Variants in IDH3A observed in about 807,000 individuals in gnomAD.
IDH3A encodes isocitrate dehydrogenase (NAD(+)) 3 catalytic subunit alpha.
A neutral mutation model predicts 43.3 loss-of-function variants in IDH3A; 23 were observed. The observed-to-expected ratio is 0.53, with a 90% CI of 0.38 to 0.75. IDH3A has a LOEUF of 0.75. Among genes scored for constraint, IDH3A ranks in the 30% least tolerant of loss-of-function variants. The pLI is 0.00. For synonymous variants in IDH3A, 154 were observed against 163.5 expected (o/e 0.94, Z 0.44); for missense variants, 329 against 474.4 (o/e 0.69, Z 2.85).
At chr15:78,153,146 G>C (rs1342920135) in intron 1 of IDH3A, among the ~76,000 whole-genome samples, 1 of 151,986 alleles carries the variant, frequency 6.6e-6, no homozygotes, top group Non-Finnish European at 1.5e-5. Flanking sequence ...ACCTAGGCTG[G>C]AGTGCAGTGG....
At chr15:78,164,305 C>G (rs189217897) in intron 8 of IDH3A, among the ~76,000 whole-genome samples, 4 of 130,674 alleles carry the variant, frequency 3.1e-5, no homozygotes, top group Admixed American at 7.2e-5. Flanking sequence ...CTCTCTCTCT[C>G]CCCCCCCGAC....
rs1317444957 is a variant in IDH3A at position 78,165,094 on chromosome 15, T to G, written c.864+18T>G. ...TTGAGTCGGTAAGGACCCTGACACC[T>G]GAAACAGAACTCAGGTCAGAACAGC... On this transcript the variant is annotated intron_variant, in intron 9 of 10. Coordinates refer to ENST00000299518, the MANE Select transcript of IDH3A (RefSeq NM_005530.3). The G allele has an allele frequency of 6.5e-7, 1 of 1,542,308 alleles. No homozygotes were observed. Among genetic ancestry groups the G allele is most frequent in the Non-Finnish European group, 9.0e-7 (1 of 1,114,660 alleles).
At position 78,162,216 on chromosome 15, in the gene IDH3A, G is replaced by T; in HGVS notation, c.478-18G>T. The T allele has an allele frequency of 6.2e-7, 1 of 1,613,858 alleles. No homozygotes were observed. The highest frequency in any genetic ancestry group is 8.5e-7 in the Non-Finnish European group (1 of 1,179,866). ...CTGTCACACTCTTTCCAGCAAGGTG[G>T]GACTTCCTGTCTTGCAGATTGTTGA... On this transcript the variant is annotated intron_variant, in intron 5 of 10. Coordinates refer to ENST00000299518, the MANE Select transcript of IDH3A (RefSeq NM_005530.3).
At chr15:78,149,577 T>C (rs2074555869) in intron 1 of IDH3A, 147 bp downstream of exon 1, 5 of 640,536 alleles carry the variant, frequency 7.8e-6, no homozygotes, top group Non-Finnish European at 1.2e-5. Flanking sequence ...CCGGTCCTGG[T>C]CGCCCGTGCC....
At position 78,163,790 on chromosome 15, in the gene IDH3A, G is replaced by A. The variant is rs1481035797; in HGVS notation, c.779+10G>A. Reference sequence around the variant, plus strand: ...ATGGAGACATCCTTAGGTGAGTCTGGCTGCAACCTATTTATTTTAGCCTAT... The same window carrying A: ...ATGGAGACATCCTTAGGTGAGTCTGACTGCAACCTATTTATTTTAGCCTAT... On this transcript the variant is annotated intron_variant, in intron 8 of 10. Coordinates refer to ENST00000299518, the MANE Select transcript of IDH3A (RefSeq NM_005530.3). The A allele has an allele frequency of 6.3e-7, 1 of 1,578,606 alleles. No homozygotes were observed. Among genetic ancestry groups the A allele is most frequent in the Admixed American group, 1.7e-5 (1 of 59,842 alleles).
At chr15:78,152,504 G>A (rs946328003) in intron 1 of IDH3A, among the ~76,000 whole-genome samples, 3 of 151,664 alleles carry the variant, frequency 2.0e-5, no homozygotes, top group Admixed American at 1.3e-4. Context: ...GGGATTACAG[G>A]CATGTGCCAC....
chr15:78,166,209 G>GC lies in IDH3A; in HGVS notation c.925dup (p.Leu309ProfsTer14). 6.2e-7 allele frequency: 1 copy of GC among 1,614,080 alleles called. No homozygotes were observed. The highest frequency in any genetic ancestry group is 8.5e-7 in the Non-Finnish European group (1 of 1,179,906). ...ACATGGCGAATCCCACAGCCCTCCT[G>GC]CTCAGTGCCGTGATGATGCTGCGCC... On this transcript the variant is annotated frameshift_variant, in exon 10 of 11. Coordinates refer to ENST00000299518, the MANE Select transcript of IDH3A (RefSeq NM_005530.3). LOFTEE classifies it high-confidence loss of function.
chr15:78,168,802 C>T (rs1405664531), intron 10 of IDH3A, 120 bp from the exon 11 acceptor site: 1 of 658,096 alleles, frequency 1.5e-6, no homozygotes, highest in Admixed American at 2.3e-5. Flanking sequence ...AAATGAGGAA[C>T]TAAATGAAAG....
chr15:78,162,499 A>G, intron 6 of IDH3A, 132 bp downstream of exon 6: 1 of 919,542 alleles, frequency 1.1e-6, no homozygotes, highest in Non-Finnish European at 1.6e-6. Flanking sequence ...TAACAATCCA[A>G]AGATACGGCA....
chr15:78,166,218 C>G lies in IDH3A; in HGVS notation c.933C>G (p.Ala311=), dbSNP rs199720251. ...ATCCCACAGCCCTCCTGCTCAGTGC[C>G]GTGATGATGCTGCGCCACATGGGAC... The part of the protein sequence containing the change: ...MANPTALLLS[A]VMMLRHMGLF... Residue 311 remains alanine (A), a synonymous_variant, in exon 10 of 11, where the codon GCC becomes GCG. Transcript: ENST00000299518. 6.2e-7 allele frequency: 1 copy of G among 1,613,920 alleles called. No individual in the cohort carries two copies. The highest frequency in any genetic ancestry group is 1.3e-5 in the African/African-American group (1 of 74,910).
Position 78,169,767 on chromosome 15 carries a change from T to C in IDH3A, c.*762T>C, listed in dbSNP as rs1449209730. 2.0e-5 allele frequency: 3 copies of C among 152,256 alleles called. No individual in the cohort carries two copies. Among genetic ancestry groups the C allele is most frequent in the Non-Finnish European group, 4.4e-5 (3 of 68,036 alleles). 9.4% of individuals were successfully genotyped at this position (152,256 alleles called of 1,614,324 possible). The stretch of plus-strand genomic sequence containing the variant: ...CAGAGAGCTAGTACTTCATTTTCAC[T>C]GGATACATTTTCAGCATCATGAGTT... On this transcript the variant is annotated 3_prime_UTR_variant, in exon 11 of 11. Transcript: ENST00000299518.
chr15:78,154,249 CTTTTA>C (rs1005845948), intron 1 of IDH3A, among the ~76,000 whole-genome samples: 1 of 149,436 alleles, frequency 6.7e-6, no homozygotes, highest in African/African-American at 2.5e-5. Flanking sequence ...TACTGGGTAA[CTTTTA>C]TTTTATATTT....
Position 78,149,389 on chromosome 15 carries a change from C to A in IDH3A, c.-15C>A. ...TGCCGCTGCGGCTGTTGCTGCGGAG[C>A]CAGGAGGGGAAGCGATGGCTGGGCC... On this transcript the variant is annotated 5_prime_UTR_variant, in exon 1 of 11. Transcript: ENST00000299518. 2 of 1,541,572 alleles carry A rather than the reference C, an allele frequency of 1.3e-6. No individual in the cohort carries two copies. Among genetic ancestry groups the A allele is most frequent in the Non-Finnish European group, 1.7e-6 (2 of 1,151,314 alleles).
chr15:78,161,895 G>A lies in IDH3A; in HGVS notation c.477+127G>A. 4 of 833,118 alleles carry A rather than the reference G, an allele frequency of 4.8e-6. 1 individual carries two copies. Among genetic ancestry groups the A allele is most frequent in the Middle Eastern group, 2.3e-4 (1 of 4,310 alleles). The allele number at this position is 833,118 out of a possible 1,614,324, so 51.6% of individuals were successfully genotyped here. Reference sequence around the variant, plus strand: ...TGTTTGTCTTGGTGCTGGGTGTCTGGCTGACAGTACTCAAACAAATGTAAG... The same window carrying A: ...TGTTTGTCTTGGTGCTGGGTGTCTGACTGACAGTACTCAAACAAATGTAAG... On this transcript the variant is annotated intron_variant, in intron 5 of 10. Transcript: ENST00000299518. The surrounding 1 kb of genome is among the most constrained non-coding windows in gnomAD (Gnocchi z 4.8).
chr15:78,157,668 A>C, intron 3 of IDH3A, 37 bp downstream of exon 3: 1 of 1,443,930 alleles, frequency 6.9e-7, no homozygotes, highest in Admixed American at 1.8e-5. Flanking sequence ...ATGATGACTC[A>C]CTGAAAAGTT....
At chr15:78,155,166 T>G (rs543246443) in intron 1 of IDH3A, 47 bp from the exon 2 acceptor site, 1 of 1,372,604 alleles carries the variant, frequency 7.3e-7, no homozygotes, top group Non-Finnish European at 1.0e-6. Context: ...GTTTACTGTA[T>G]GTGGTTTAAT....
rs2141308249 is a variant in IDH3A, at chr15:78,169,008, C to T, written c.*3C>T. On this transcript the variant is annotated 3_prime_UTR_variant, in exon 11 of 11. Transcript: ENST00000299518. ...GCCGAGTAAAAGATTTAGATTAACA[C>T]TTCTACAACTGGCATTTACATCAGT... 1.3e-6 allele frequency: 2 copies of T among 1,575,060 alleles called. No homozygotes were observed. The highest frequency in any genetic ancestry group is 4.5e-5 in the East Asian group (2 of 44,318).
chr15:78,151,936 C>T (rs1246141391), intron 1 of IDH3A, among the ~76,000 whole-genome samples: 3 of 151,892 alleles, frequency 2.0e-5, no homozygotes, highest in African/African-American at 7.3e-5. Flanking sequence ...TAGGGTCTCA[C>T]TCTGTTGTCT....
In IDH3A at chr15:78,171,577, T is replaced by C; in HGVS notation, c.*2572T>C. 1 of 1,490,374 alleles carries C rather than the reference T, an allele frequency of 6.7e-7. No individual in the cohort carries two copies. The highest frequency in any genetic ancestry group is 1.7e-5 in the Admixed American group (1 of 59,718). 92.3% of individuals were successfully genotyped at this position (1,490,374 alleles called of 1,614,324 possible). A position where few individuals can be genotyped will look rare whatever the true frequency, so the allele number is the denominator to read the frequency against. On this transcript the variant is annotated 3_prime_UTR_variant, in exon 11 of 11. Transcript: ENST00000299518. ...TGAGTGAGGCCCAGGCTCTGAGAACTCTGAGAATGTGTGTGGTAAAGACTC... is the reference window on the plus strand; with the variant it reads ...TGAGTGAGGCCCAGGCTCTGAGAACCCTGAGAATGTGTGTGGTAAAGACTC...
Sources: gnomAD v4.1 joint callset for allele counts (sites outside exome capture counted in the v4.1 genomes callset) on GRCh38, gnomAD v4.1.1 for gene constraint, Gnocchi (gnomAD v3.1) non-coding constraint, MANE v1.5 for transcripts, NCBI Gene and HGNC (gene_info 2026-07-23, HGNC 2026-07-21) for gene names.